LRIG1: variants seen among roughly 807,000 people sequenced by gnomAD.
LRIG1 encodes the protein leucine-rich repeats and immunoglobulin-like domains protein 1.
In LRIG1, 48 loss-of-function variants were observed where a neutral mutation model predicts 99.2. The ratio of observed to expected loss-of-function variants is 0.48; its 90% CI spans 0.38 to 0.62. The LOEUF (loss-of-function observed/expected upper bound fraction) is 0.62. LRIG1 is among the 20% of genes least tolerant of loss of function. LRIG1 has a pLI of 0.00. For missense variants in LRIG1, 1,646 were observed against 1,434.4 expected (o/e 1.15, Z -2.38); for synonymous variants, 772 against 596.1 (o/e 1.29, Z -4.30).
At chr3:66,403,060 T>A (rs1702122643) in intron 9 of LRIG1, among the ~76,000 whole-genome samples, 1 of 152,254 alleles carries the variant, frequency 6.6e-6, no homozygotes, top group South Asian at 2.1e-4. Context: ...ATGTGGAAAT[T>A]TGCACATACC....
intron 1 of LRIG1, among the ~76,000 whole-genome samples, chr3:66,496,853 C>G (rs1280189295): frequency 6.6e-6 from 1 of 152,186 alleles, no homozygotes; most frequent in Non-Finnish European, 1.5e-5. Flanking sequence ...TTCACAACAC[C>G]CTGCACACCT....
At position 66,398,160 on chromosome 3, in the gene LRIG1, C is replaced by G; in HGVS notation, c.1256G>C (p.Arg419Thr). ...CACAAAGGCATCAAACTGGACAGAT[C>G]TGATCGCATTCCCTCCAAGGTTCCT... ...EHLNLGGNAI[R>T]SVQFDAFVKM... The change falls in exon 11 of 19, where the codon AGA becomes ACA. Residue 419 changes from arginine (R) to threonine (T), a missense_variant. Coordinates refer to ENST00000273261, the MANE Select transcript of LRIG1 (RefSeq NM_015541.3). 6.2e-7 allele frequency: 1 copy of G among 1,614,100 alleles called. No homozygotes were observed. Among genetic ancestry groups the G allele is most frequent in the Non-Finnish European group, 8.5e-7 (1 of 1,179,936 alleles).
rs893263947 is a variant in LRIG1 at position 66,401,745 on chromosome 3, C to A, written c.1161-2704G>T. On this transcript the variant is annotated intron_variant, in intron 9 of 18. Coordinates refer to ENST00000273261, the MANE Select transcript of LRIG1 (RefSeq NM_015541.3). ...GAGGACACTATTTCTGTACCACAGCCGGGCTCCCTTTCAGAAGGAACACCT... is the reference window on the plus strand; with the variant it reads ...GAGGACACTATTTCTGTACCACAGCAGGGCTCCCTTTCAGAAGGAACACCT... The A allele has an allele frequency of 6.8e-6, 8 of 1,184,126 alleles. No homozygotes were observed. In the East Asian group the frequency reaches 2.0e-4, roughly 29 times the overall value. The allele number at this position is 1,184,126 out of a possible 1,614,324, so 73.4% of individuals were successfully genotyped here. A position where few individuals can be genotyped will look rare whatever the true frequency, so the allele number is the denominator to read the frequency against.
chr3:66,478,360 C>T (rs116092262), intron 1 of LRIG1, among the ~76,000 whole-genome samples: 11 of 152,250 alleles, frequency 7.2e-5, no homozygotes, highest in Admixed American at 1.3e-4. Context: ...GACAGGTGTG[C>T]GCAGGCAGGA....
At chr3:66,493,600 G>C (rs2106930203) in intron 1 of LRIG1, among the ~76,000 whole-genome samples, 1 of 152,206 alleles carries the variant, frequency 6.6e-6, no homozygotes, top group Non-Finnish European at 1.5e-5. Flanking sequence ...ACAGCAGAAA[G>C]GTAAACATTT....
intron 2 of LRIG1, among the ~76,000 whole-genome samples, chr3:66,453,640 C>T (rs3845899): frequency 0.24 from 36,550 of 152,066 alleles, 5,377 homozygotes; most frequent in East Asian, 0.67. Flanking sequence ...TTCTCTAGGC[C>T]AGTTTAAGTC....
Position 66,500,499 on chromosome 3 carries a change from G to C in LRIG1, c.-92C>G. The C allele has an allele frequency of 1.6e-6, 1 of 644,348 alleles. No homozygotes were observed. The highest frequency in any genetic ancestry group is 2.3e-6 in the Non-Finnish European group (1 of 439,020). 39.9% of individuals were successfully genotyped at this position (644,348 alleles called of 1,614,324 possible). ...GGCGGGCCCGCGGGGCGCTCCGCTC[G>C]GCTCTAGACTCCGCACCGGGGCATG... is the stretch of plus-strand genomic sequence containing the variant. On this transcript the variant is annotated 5_prime_UTR_variant, in exon 1 of 19. Transcript: ENST00000273261.
At position 66,379,314 on chromosome 3, in the gene LRIG1, C is replaced by CT. The variant is rs1380288676; in HGVS notation, c.*948dup. ...GGTCCTTAGTAGAAATAAGGTAGCC[C>CT]TGAAAAGTCAGAACTTCCTCCTTTC... On this transcript the variant is annotated 3_prime_UTR_variant, in exon 19 of 19. Coordinates refer to ENST00000273261, the MANE Select transcript of LRIG1 (RefSeq NM_015541.3). 18 of 152,480 alleles carry CT rather than the reference C, an allele frequency of 1.2e-4. No individual in the cohort carries two copies. Among genetic ancestry groups the CT allele is most frequent in the African/African-American group, 3.6e-4 (15 of 41,410 alleles). 9.4% of individuals were successfully genotyped at this position (152,480 alleles called of 1,614,324 possible). A position where few individuals can be genotyped will look rare whatever the true frequency, so the allele number is the denominator to read the frequency against.
At chr3:66,391,184 G>C (rs1040487907) in intron 12 of LRIG1, among the ~76,000 whole-genome samples, 6 of 152,148 alleles carry the variant, frequency 3.9e-5, no homozygotes, top group Admixed American at 3.9e-4. Flanking sequence ...AAAATGGGGA[G>C]AAATTGGAAT....
intron 1 of LRIG1, among the ~76,000 whole-genome samples, chr3:66,498,859 G>A (rs1187523739): frequency 6.6e-6 from 1 of 152,198 alleles, no homozygotes; most frequent in African/African-American, 2.4e-5. Flanking sequence ...GAGAGGTACA[G>A]GATCTTTACA....
chr3:66,493,838 A>G (rs1701160928), intron 1 of LRIG1, among the ~76,000 whole-genome samples: 1 of 144,824 alleles, frequency 6.9e-6, no homozygotes, highest in Non-Finnish European at 1.5e-5. Context: ...GAAAAAAAAG[A>G]GAGAGAGAGA....
chr3:66,380,224 C>T lies in LRIG1; in HGVS notation c.*39G>A, dbSNP rs369266860. On this transcript the variant is annotated 3_prime_UTR_variant, in exon 19 of 19. Transcript: ENST00000273261. ...CGCAGCCTCTCCTACCTCTCTTTCC[C>T]GTAGAGATTGGTATGACAAGAACTG... The T allele has an allele frequency of 4.7e-4, 733 of 1,544,886 alleles. 1 individual carries two copies. The highest frequency in any genetic ancestry group is 5.7e-4 in the African/African-American group (42 of 73,436).
chr3:66,486,039 A>G (rs1449115966), intron 1 of LRIG1, among the ~76,000 whole-genome samples: 1 of 152,230 alleles, frequency 6.6e-6, no homozygotes, highest in African/African-American at 2.4e-5. Flanking sequence ...GCTAGACTCT[A>G]AACAAGTCAT....
At chr3:66,399,118 AAAAG>A in intron 9 of LRIG1, 77 bp from the exon 10 acceptor site, 1 of 1,195,874 alleles carries the variant, frequency 8.4e-7, no homozygotes, top group Non-Finnish European at 1.2e-6. Context: ...AAGAAAAAGA[AAAAG>A]AAAACACACA....
rs1192124303 is a variant in LRIG1 at position 66,417,217 on chromosome 3, G to C, written c.415C>G (p.Leu139Val). Residue 139 changes from leucine (L) to valine (V), a missense_variant, in exon 4 of 19, where the codon CTT (leucine) becomes GTT (valine). By Grantham distance (32) the Leu-to-Val change is conservative. Coordinates refer to ENST00000273261, the MANE Select transcript of LRIG1 (RefSeq NM_015541.3). ...CTCAGATCTAACACTTCTAAGGAAA[G>C]GTAGGCCTTCAGCTGGCTCCCCTCC... ...SVEGSQLKAY[L>V]SLEVLDLSLN... 2 of 1,614,218 alleles carry C rather than the reference G, an allele frequency of 1.2e-6. No individual in the cohort carries two copies. The highest frequency in any genetic ancestry group is 1.7e-6 in the Non-Finnish European group (2 of 1,180,048).
At chr3:66,422,202 C>T (rs1334643965) in intron 3 of LRIG1, among the ~76,000 whole-genome samples, 3 of 152,244 alleles carry the variant, frequency 2.0e-5, no homozygotes, top group African/African-American at 7.2e-5. Context: ...TGGTGATTAA[C>T]ATTCAGCTCC....
At chr3:66,444,995 G>T (rs948003550) in intron 3 of LRIG1, among the ~76,000 whole-genome samples, 2 of 151,076 alleles carry the variant, frequency 1.3e-5, no homozygotes, top group Admixed American at 1.3e-4. Context: ...TGTTGTGCTG[G>T]TTTTTTTTGA....
rs571412901 is a variant in LRIG1 at position 66,390,396 on chromosome 3, A to G, written c.1468+3644T>C. 2.6e-5 allele frequency among the ~76,000 whole-genome samples: 4 copies of G among 152,338 alleles called. No individual in the cohort carries two copies. The South Asian group carries it at 8.3e-4, about 32-fold the overall frequency. The stretch of plus-strand genomic sequence containing the variant: ...CAATAGCAAAAAGAATAAAAACAGA[A>G]ATACCTTTAACAGTAGTTGAAGATG... On this transcript the variant is annotated intron_variant, in intron 12 of 18. Coordinates refer to ENST00000273261, the MANE Select transcript of LRIG1 (RefSeq NM_015541.3).
intron 1 of LRIG1, among the ~76,000 whole-genome samples, chr3:66,493,536 T>A (rs1016851995): frequency 6.6e-6 from 1 of 152,176 alleles, no homozygotes; most frequent in Non-Finnish European, 1.5e-5. Flanking sequence ...TTCATACATA[T>A]CACCAAAACT....
Sources: gnomAD v4.1 joint callset for allele counts (sites outside exome capture counted in the v4.1 genomes callset) on GRCh38, gnomAD v4.1.1 for gene constraint, MANE v1.5 for transcripts, NCBI Gene and HGNC (gene_info 2026-07-23, HGNC 2026-07-21) for gene names.